The following DNAH9 variants were observed in gnomAD, a reference collection of about 807,000 sequenced individuals.
The protein encoded by DNAH9 is DNAH9 variant protein.
DNAH9 carries 345 observed loss-of-function variants against 471.6 expected under a neutral mutation model. That is an observed-to-expected ratio of 0.73 (90% CI 0.67 to 0.80). The LOEUF is 0.80. Among genes scored for constraint, DNAH9 ranks in the 30% least tolerant of loss-of-function variants. The probability of loss-of-function intolerance (pLI) is 0.00; values close to 1 mark genes in which losing one functional copy is unlikely to be tolerated. For synonymous variants in DNAH9, 2,093 were observed against 2,123.6 expected, an observed-to-expected ratio of 0.99 and a Z score of 0.40; for missense variants, 5,407 against 5,609.2, an observed-to-expected ratio of 0.96 and a Z score of 1.15.
intron 20 of DNAH9, 64 bp from the exon 21 acceptor site, chr17:11,693,804 A>G (rs2074379307): frequency 3.2e-6 from 5 of 1,575,052 alleles, no homozygotes; most frequent in Non-Finnish European, 4.4e-6. Context: ...AACTGGCTCC[A>G]TGGAGGGAGC....
chr17:11,721,974 T>A (rs2075067872), intron 27 of DNAH9, among the ~76,000 whole-genome samples: 1 of 152,058 alleles, frequency 6.6e-6, no homozygotes, highest in Admixed American at 6.6e-5. Context: ...TTCTAACCCA[T>A]TAGAATGTCA....
At chr17:11,742,725 A>G (rs2075450432) in intron 30 of DNAH9, among the ~76,000 whole-genome samples, 1 of 152,196 alleles carries the variant, frequency 6.6e-6, no homozygotes, top group African/African-American at 2.4e-5. Flanking sequence ...GCTTCCACCT[A>G]AGGCAGGAGG....
chr17:11,694,465 C>T lies in DNAH9; in HGVS notation c.4872+18C>T. ...CACAACAGGTAAGCTGGAGGAGCAT[C>T]TGCAGAAAGGTCTAGGAGGGCTGAG... On this transcript the variant is annotated intron_variant, in intron 22 of 68. Coordinates refer to ENST00000262442, the MANE Select transcript of DNAH9 (RefSeq NM_001372.4). The T allele has an allele frequency of 6.2e-7, 1 of 1,613,176 alleles. No homozygotes were observed. Among genetic ancestry groups the T allele is most frequent in the Non-Finnish European group, 8.5e-7 (1 of 1,179,740 alleles).
rs529865115 is a variant in DNAH9, at chr17:11,724,044, G to C, written c.5710-3774G>C. Among the ~76,000 whole-genome samples, 4 of 152,090 alleles carry C rather than the reference G, an allele frequency of 2.6e-5. No individual in the cohort carries two copies. In the South Asian group the frequency reaches 6.2e-4, roughly 24 times the overall value. On this transcript the variant is annotated intron_variant, in intron 27 of 68. Coordinates refer to ENST00000262442, the MANE Select transcript of DNAH9 (RefSeq NM_001372.4). ...AACTGTACATATTAATGGGGTACAT[G>C]TTATATTTTGATGCACATATTATCA...
At chr17:11,888,167 G>A (rs1215174687) in intron 57 of DNAH9, among the ~76,000 whole-genome samples, 1 of 151,794 alleles carries the variant, frequency 6.6e-6, no homozygotes, top group Non-Finnish European at 1.5e-5. Context: ...TGTATTTTTA[G>A]TAGAGACGGG....
intron 12 of DNAH9, among the ~76,000 whole-genome samples, chr17:11,648,103 A>G (rs971656364): frequency 2.6e-5 from 4 of 152,236 alleles, no homozygotes; most frequent in Admixed American, 2.0e-4. Flanking sequence ...TTGGTTTCAA[A>G]AATAATATTA....
At position 11,833,537 on chromosome 17, in the gene DNAH9, A is replaced by G. The variant is rs374858539; in HGVS notation, c.9247-1101A>G. ...GTTCTATGTGATTGGTTAGGGGAGC[A>G]TGTTTGGCTTTCTCTGGGTGGTCCA... On this transcript the variant is annotated intron_variant, in intron 48 of 68. Coordinates refer to ENST00000262442, the MANE Select transcript of DNAH9 (RefSeq NM_001372.4). Among the ~76,000 whole-genome samples, 60 of 152,230 alleles carry G rather than the reference A, an allele frequency of 3.9e-4. 1 individual carries two copies. The highest frequency in any genetic ancestry group is 1.4e-3 in the African/African-American group (60 of 41,540).
At chr17:11,788,891 C>T (rs970754194) in intron 41 of DNAH9, among the ~76,000 whole-genome samples, 2 of 151,884 alleles carry the variant, frequency 1.3e-5, no homozygotes, top group African/African-American at 2.4e-5. Flanking sequence ...GTACCTTTTA[C>T]CTGATTAAGG....
Position 11,738,881 on chromosome 17 carries a change from T to C in DNAH9, c.5816T>C (p.Val1939Ala), listed in dbSNP as rs748716420. 1 of 1,613,952 alleles carries C rather than the reference T, an allele frequency of 6.2e-7. No homozygotes were observed. The highest frequency in any genetic ancestry group is 1.1e-5 in the South Asian group (1 of 91,050). Reference sequence around the variant, plus strand: ...CTCGCTGATTGATTGGTTCACCAGGTAAAAAGCATTCAAGATGCGATTAGA... The same window carrying C: ...CTCGCTGATTGATTGGTTCACCAGGCAAAAAGCATTCAAGATGCGATTAGA... ...VEVLSVVAVQ[V>A]KSIQDAIRDK... The change falls in exon 29 of 69, where the codon GTA becomes GCA. Residue 1939 changes from valine to alanine, a missense_variant and splice_region_variant. Val to Ala is a moderately conservative substitution (Grantham distance 64, BLOSUM62 0). Transcript: ENST00000262442.
At chr17:11,621,760 A>G (rs1426975621) in intron 6 of DNAH9, among the ~76,000 whole-genome samples, 2 of 152,190 alleles carry the variant, frequency 1.3e-5, no homozygotes, top group African/African-American at 2.4e-5. Flanking sequence ...CAGAATCAGG[A>G]AAGTGGGATA....
intron 46 of DNAH9, 79 bp downstream of exon 46, chr17:11,822,141 C>G: frequency 6.7e-7 from 1 of 1,501,320 alleles, no homozygotes; most frequent in Non-Finnish European, 9.0e-7. Flanking sequence ...TCGGGCACAA[C>G]TGTCCTTATT....
intron 14 of DNAH9, among the ~76,000 whole-genome samples, chr17:11,655,516 A>T (rs1393114758): frequency 3.3e-5 from 5 of 152,094 alleles, no homozygotes; most frequent in Non-Finnish European, 7.4e-5. Context: ...AGGCCTAATT[A>T]CTAAGTTTTG....
At chr17:11,806,093 C>T (rs1969670441) in intron 43 of DNAH9, among the ~76,000 whole-genome samples, 1 of 152,106 alleles carries the variant, frequency 6.6e-6, no homozygotes, top group African/African-American at 2.4e-5. Flanking sequence ...TCTCTTCTTC[C>T]AAAAACATTT....
At chr17:11,726,942 G>T (rs2075162565) in intron 27 of DNAH9, among the ~76,000 whole-genome samples, 1 of 150,896 alleles carries the variant, frequency 6.6e-6, no homozygotes, top group Admixed American at 6.7e-5. Context: ...CAGCTACTCG[G>T]GAGGCTGAGG....
intron 15 of DNAH9, among the ~76,000 whole-genome samples, chr17:11,665,687 A>G (rs1334949406): frequency 6.6e-6 from 1 of 152,254 alleles, no homozygotes; most frequent in African/African-American, 2.4e-5. Context: ...AAACCTTCAC[A>G]TTCTGGCAGA....
intron 44 of DNAH9, among the ~76,000 whole-genome samples, chr17:11,809,598 A>C (rs1271117248): frequency 6.6e-6 from 1 of 152,030 alleles, no homozygotes; most frequent in Non-Finnish European, 1.5e-5. Flanking sequence ...AAAAACTACA[A>C]GACCCTGCTA....
At chr17:11,808,485 C>G (rs2150925563) in intron 44 of DNAH9, among the ~76,000 whole-genome samples, 1 of 152,258 alleles carries the variant, frequency 6.6e-6, no homozygotes, top group Non-Finnish European at 1.5e-5. Flanking sequence ...TCTTGCTCTT[C>G]CTGGAAGAAC....
intron 45 of DNAH9, among the ~76,000 whole-genome samples, chr17:11,813,511 G>T (rs1420685714): frequency 6.6e-6 from 1 of 152,126 alleles, no homozygotes; most frequent in Non-Finnish European, 1.5e-5. Flanking sequence ...CTCCACCCTT[G>T]GATAACATAG....
rs528215747 is a variant in DNAH9, at chr17:11,695,101, G to A, written c.4872+654G>A. 2.0e-5 allele frequency among the ~76,000 whole-genome samples: 3 copies of A among 151,452 alleles called. No homozygotes were observed. The East Asian group carries it at 5.9e-4, about 30-fold the overall frequency. On this transcript the variant is annotated intron_variant, in intron 22 of 68. Transcript: ENST00000262442. Reference sequence around the variant, plus strand: ...GACGGGGTTTCACCATGTTGGCCAGGGTGGTCTTGATCTCCTGACCTCGTG... The same window carrying A: ...GACGGGGTTTCACCATGTTGGCCAGAGTGGTCTTGATCTCCTGACCTCGTG...
Sources: gnomAD v4.1 joint callset for allele counts (sites outside exome capture counted in the v4.1 genomes callset) on GRCh38, gnomAD v4.1.1 for gene constraint, MANE v1.5 for transcripts, NCBI Gene and HGNC (gene_info 2026-07-23, HGNC 2026-07-21) for gene names.